The following CDC42BPA variants were observed in gnomAD, a reference collection of about 807,000 sequenced individuals.
The protein encoded by CDC42BPA is serine/threonine-protein kinase MRCK alpha.
In CDC42BPA, 80 loss-of-function variants were observed where a neutral mutation model predicts 223.5. The observed-to-expected ratio is 0.36, with a 90% CI of 0.30 to 0.43. CDC42BPA has a LOEUF of 0.43. CDC42BPA is among the 20% of genes least tolerant of loss of function. CDC42BPA has a pLI of 1.00. For missense variants in CDC42BPA, 1,743 were observed against 2,099.9 expected, an observed-to-expected ratio of 0.83 and a Z score of 3.32; for synonymous variants, 694 against 718.6, an observed-to-expected ratio of 0.97 and a Z score of 0.55.
chr1:227,184,378 G>C (rs1466685607), intron 5 of CDC42BPA, among the ~76,000 whole-genome samples: 3 of 148,458 alleles, frequency 2.0e-5, no homozygotes, highest in African/African-American at 7.7e-5. Flanking sequence ...GAGCTTTGGG[G>C]AAGTTATTTG....
chr1:227,062,743 G>C (rs1469243461), intron 21 of CDC42BPA, among the ~76,000 whole-genome samples: 1 of 151,588 alleles, frequency 6.6e-6, no homozygotes, highest in Non-Finnish European at 1.5e-5. Flanking sequence ...TAAGTACTTT[G>C]AGGTCCATTT....
chr1:227,282,917 G>C (rs1335658210), intron 1 of CDC42BPA, among the ~76,000 whole-genome samples: 1 of 152,178 alleles, frequency 6.6e-6, no homozygotes, highest in Non-Finnish European at 1.5e-5. Context: ...TGGATGATCA[G>C]GATGGTTGCA....
At chr1:227,132,281 C>G (rs961453561) in intron 10 of CDC42BPA, among the ~76,000 whole-genome samples, 3 of 152,190 alleles carry the variant, frequency 2.0e-5, no homozygotes, top group African/African-American at 7.2e-5. Context: ...CTCAGGCGCG[C>G]CGCCACACCT....
intron 1 of CDC42BPA, among the ~76,000 whole-genome samples, chr1:227,307,212 A>G (rs1337584361): frequency 6.6e-6 from 1 of 152,220 alleles, no homozygotes; most frequent in Non-Finnish European, 1.5e-5. Context: ...TTGTAAAGAT[A>G]TATACACCCC....
chr1:226,998,061 A>G (rs1662001247), intron 35 of CDC42BPA, among the ~76,000 whole-genome samples: 1 of 152,212 alleles, frequency 6.6e-6, no homozygotes, highest in Non-Finnish European at 1.5e-5. Flanking sequence ...CAAACAGAAT[A>G]AAATACCTAG....
intron 5 of CDC42BPA, among the ~76,000 whole-genome samples, chr1:227,172,009 ACTTTT>A (rs1288937233): frequency 6.6e-6 from 1 of 152,118 alleles, no homozygotes; most frequent in East Asian, 1.9e-4. Context: ...CTAAAACAAT[ACTTTT>A]ATTTTCTAAT....
chr1:227,232,166 G>A (rs1678103980), intron 2 of CDC42BPA, among the ~76,000 whole-genome samples: 2 of 152,194 alleles, frequency 1.3e-5, no homozygotes, highest in Admixed American at 6.5e-5. Flanking sequence ...TGTATAAGAT[G>A]TAAGGAAGGG....
intron 9 of CDC42BPA, among the ~76,000 whole-genome samples, chr1:227,140,330 C>CAGGAAAGGGAGAA (rs1659449627): frequency 6.6e-6 from 1 of 151,456 alleles, no homozygotes; most frequent in South Asian, 2.1e-4. Context: ...AAGGAGAAAA[C>CAGGAAAGGGAGAA]ATAAAGCAGG....
chr1:227,288,034 A>C (rs897877752), intron 1 of CDC42BPA, among the ~76,000 whole-genome samples: 69 of 151,910 alleles, frequency 4.5e-4, no homozygotes. Flanking sequence ...CCCTTTGTTG[A>C]TTTTGCTTTG....
chr1:227,263,350 T>C (rs907263059), intron 1 of CDC42BPA, among the ~76,000 whole-genome samples: 14 of 152,220 alleles, frequency 9.2e-5, no homozygotes, highest in African/African-American at 4.8e-5. Context: ...TGGTATTTAT[T>C]AGCCTCCAAA....
intron 1 of CDC42BPA, among the ~76,000 whole-genome samples, chr1:227,272,843 G>A (rs577792787): frequency 3.1e-4 from 47 of 152,134 alleles, no homozygotes; most frequent in African/African-American, 1.1e-3. Context: ...TGAGAGATAT[G>A]GTTTCAGAGT....
At chr1:227,258,961 T>C (rs1247268856) in intron 1 of CDC42BPA, among the ~76,000 whole-genome samples, 1 of 151,162 alleles carries the variant, frequency 6.6e-6, no homozygotes, top group African/African-American at 2.5e-5. Flanking sequence ...AAGGGACTAA[T>C]CAGATCTGTT....
At chr1:227,184,308 T>C (rs967981564) in intron 5 of CDC42BPA, among the ~76,000 whole-genome samples, 2 of 152,182 alleles carry the variant, frequency 1.3e-5, no homozygotes, top group Non-Finnish European at 2.9e-5. Flanking sequence ...AACAGTTTTA[T>C]AGTTTTATGT....
At chr1:226,999,325 C>T (rs892170717) in intron 35 of CDC42BPA, among the ~76,000 whole-genome samples, 2 of 152,002 alleles carry the variant, frequency 1.3e-5, no homozygotes, top group African/African-American at 2.4e-5. Flanking sequence ...TACAGGCGCC[C>T]GCCACCATGC....
At chr1:227,280,620 T>C (rs1558944450) in intron 1 of CDC42BPA, among the ~76,000 whole-genome samples, 1 of 152,254 alleles carries the variant, frequency 6.6e-6, no homozygotes, top group Non-Finnish European at 1.5e-5. Flanking sequence ...AGGATACAGA[T>C]ACCACAGTTT....
At chr1:227,149,988 C>T (rs1661421564) in intron 6 of CDC42BPA, among the ~76,000 whole-genome samples, 2 of 152,100 alleles carry the variant, frequency 1.3e-5, no homozygotes, top group Non-Finnish European at 2.9e-5. Context: ...CTTTGGGAAG[C>T]TGAGGCGGGT....
intron 1 of CDC42BPA, chr1:227,264,704 A>G: frequency 1.5e-6 from 1 of 676,514 alleles, no homozygotes; most frequent in Non-Finnish European, 2.6e-6. Context: ...CTTTAACATG[A>G]GAAATAAAAT....
chr1:227,284,720 G>T (rs1381611698), intron 1 of CDC42BPA, among the ~76,000 whole-genome samples: 2 of 152,078 alleles, frequency 1.3e-5, no homozygotes, highest in Non-Finnish European at 2.9e-5. Flanking sequence ...CAGCATGTTG[G>T]GAGGCCAAGG....
intron 5 of CDC42BPA, among the ~76,000 whole-genome samples, chr1:227,176,402 TTTCACG>T (rs2149989075): frequency 6.6e-6 from 1 of 152,332 alleles, no homozygotes; most frequent in South Asian, 2.1e-4. Context: ...TTCTGTTTCA[TTTCACG>T]TTATAAACAC....
Sources: gnomAD v4.1 joint callset for allele counts (sites outside exome capture counted in the v4.1 genomes callset) on GRCh38, gnomAD v4.1.1 for gene constraint, MANE v1.5 for transcripts, NCBI Gene and HGNC (gene_info 2026-07-23, HGNC 2026-07-21) for gene names.